ZNF658: variants seen among roughly 807,000 people sequenced by gnomAD.
ZNF658 encodes zinc finger protein 658.
ZNF658 carries 46 observed loss-of-function variants against 78.0 expected under a neutral mutation model. The observed-to-expected ratio is 0.59, with a 90% CI of 0.47 to 0.75. ZNF658 has a LOEUF of 0.75. ZNF658 is among the 30% of genes least tolerant of loss of function. ZNF658 has a pLI of 0.00. For missense variants in ZNF658, 785 were observed against 1,189.3 expected, an observed-to-expected ratio of 0.66 and a Z score of 5.00; for synonymous variants, 279 against 408.4, an observed-to-expected ratio of 0.68 and a Z score of 3.82.
At chr9:66,902,780 A>AT (rs1821981937) in intron 1 of ZNF658, 1 of 152,094 alleles carries the variant, frequency 6.6e-6, no homozygotes, top group Non-Finnish European at 1.5e-5. Flanking sequence ...TCCCATCTTT[A>AT]TTTTTTCCGT....
At chr9:66,902,875 AATTT>A (rs1821984620) in intron 1 of ZNF658, 1 of 151,874 alleles carries the variant, frequency 6.6e-6, no homozygotes, top group Non-Finnish European at 1.5e-5. Flanking sequence ...ATTATTTTTA[AATTT>A]ATTTATTTTT....
At chr9:66,926,363 TAA>T (rs897524252), downstream of ZNF658, among the ~76,000 whole-genome samples, 1 of 151,434 alleles carries the variant, frequency 6.6e-6, no homozygotes, top group African/African-American at 2.4e-5. Context: ...TTAGAATTAA[TAA>T]GTCAATTCAG....
At chr9:66,907,338 C>T (rs929238734) in intron 2 of ZNF658, among the ~76,000 whole-genome samples, 8 of 151,970 alleles carry the variant, frequency 5.3e-5, no homozygotes, top group East Asian at 1.9e-4. Context: ...TCTTCTAACA[C>T]GTTTTCTTCT....
At chr9:66,910,523 G>T (rs2118011604) in intron 4 of ZNF658, among the ~76,000 whole-genome samples, 1 of 151,730 alleles carries the variant, frequency 6.6e-6, no homozygotes, top group African/African-American at 2.4e-5. Context: ...GATCAGTAAA[G>T]TTGGGCCAGG....
rs1272450159 is a variant in ZNF658 at position 66,918,311 on chromosome 9, A to G, written c.745A>G (p.Arg249Gly). ...AAAGTCCTGTAAGGATGATGAATTT[A>G]GAAAAAACTTTGATAAAATCACTTT... is the stretch of plus-strand genomic sequence containing the variant. ...GEKSCKDDEF[R>G]KNFDKITLFN... The change falls in exon 5 of 5, where the codon AGA becomes GGA. Residue 249 changes from arginine (R) to glycine (G), a missense_variant. Transcript: ENST00000621410. 1 of 1,613,812 alleles carries G rather than the reference A, an allele frequency of 6.2e-7. No homozygotes were observed. The highest frequency in any genetic ancestry group is 8.5e-7 in the Non-Finnish European group (1 of 1,179,844).
Position 66,900,759 on chromosome 9 carries a change from G to A in ZNF658, c.-122G>A, listed in dbSNP as rs1310385592. The A allele has an allele frequency of 2.0e-5, 3 of 152,290 alleles. No homozygotes were observed. Among genetic ancestry groups the A allele is most frequent in the African/African-American group, 4.8e-5 (2 of 41,472 alleles). The allele number at this position is 152,290 out of a possible 1,614,324, so 9.4% of individuals were successfully genotyped here. On this transcript the variant is annotated 5_prime_UTR_variant, in exon 1 of 5. Coordinates refer to ENST00000621410, the MANE Select transcript of ZNF658 (RefSeq NM_033160.7). Reference sequence around the variant, plus strand: ...TGTAAACCCAGCCCCACCTCCTGCCGTCTGCCCTCCCGGGCCTGAAAGGGA... The same window carrying A: ...TGTAAACCCAGCCCCACCTCCTGCCATCTGCCCTCCCGGGCCTGAAAGGGA...
chr9:66,910,065 G>A (rs932354533), intron 4 of ZNF658, among the ~76,000 whole-genome samples: 3 of 152,114 alleles, frequency 2.0e-5, no homozygotes, highest in Admixed American at 2.0e-4. Context: ...AGTACTACTG[G>A]ATTAGGGTCC....
intron 2 of ZNF658, among the ~76,000 whole-genome samples, chr9:66,905,068 CTTTTTTT>C (rs1165611922): frequency 6.3e-4 from 20 of 31,764 alleles, no homozygotes; most frequent in African/African-American, 2.2e-3. Flanking sequence ...TTTTTCTTTT[CTTTTTTT>C]TTTTTTTTTT....
intron 2 of ZNF658, among the ~76,000 whole-genome samples, chr9:66,905,676 A>T: frequency 3.0e-5 from 4 of 131,662 alleles, no homozygotes; most frequent in African/African-American, 6.3e-5. Context: ...TTTTTGGTAA[A>T]ATATTTGTTT....
At chr9:66,925,784 A>C (rs1458869288), downstream of ZNF658, among the ~76,000 whole-genome samples, 1 of 151,990 alleles carries the variant, frequency 6.6e-6, no homozygotes, top group Non-Finnish European at 1.5e-5. Context: ...AAAAGACACT[A>C]CAAAAAGAAA....
chr9:66,922,388 C>T (rs1030285736), downstream of ZNF658, among the ~76,000 whole-genome samples: 1 of 151,298 alleles, frequency 6.6e-6, no homozygotes, highest in African/African-American at 2.4e-5. Flanking sequence ...AACCTGGTAC[C>T]TCAGATGGAA....
At chr9:66,929,279 A>G (rs1433967985) in intron 6 of ZNF658, among the ~76,000 whole-genome samples, 1 of 138,214 alleles carries the variant, frequency 7.2e-6, no homozygotes, top group Non-Finnish European at 1.6e-5. Context: ...CAGCAGGAAA[A>G]TATCATGGGA....
rs1822124341 is a variant in ZNF658 at position 66,908,233 on chromosome 9, T to C, written c.16-5T>C. 3 of 1,614,004 alleles carry C rather than the reference T, an allele frequency of 1.9e-6. No homozygotes were observed. In the African/African-American group the frequency reaches 4.0e-5, roughly 22 times the overall value. On this transcript the variant is annotated splice_region_variant and splice_polypyrimidine_tract_variant and intron_variant, in intron 2 of 4. Transcript: ENST00000621410. ...TTATATTTGTTGTGATAAATGTTGT[T>C]ACAGGCATCAGTGTCATTCCAGGAC...
At chr9:66,929,435 G>C (rs1342228742) in intron 6 of ZNF658, among the ~76,000 whole-genome samples, 1 of 140,566 alleles carries the variant, frequency 7.1e-6, no homozygotes, top group African/African-American at 2.7e-5. Context: ...AGGGACTGAG[G>C]AATAAGTGAG....
intron 4 of ZNF658, among the ~76,000 whole-genome samples, chr9:66,909,583 A>G (rs1308906778): frequency 1.3e-5 from 2 of 151,818 alleles, no homozygotes; most frequent in Non-Finnish European, 1.5e-5. Flanking sequence ...GTATATTCCT[A>G]GGAGTGAAAC....
chr9:66,913,492 C>G (rs953070998), intron 4 of ZNF658, among the ~76,000 whole-genome samples: 21 of 151,800 alleles, frequency 1.4e-4, no homozygotes, highest in African/African-American at 4.6e-4. Context: ...CAGTGGGGAA[C>G]TGGACTTCCT....
At chr9:66,912,760 A>G (rs1233361987) in intron 4 of ZNF658, among the ~76,000 whole-genome samples, 2 of 151,900 alleles carry the variant, frequency 1.3e-5, no homozygotes, top group African/African-American at 4.8e-5. Flanking sequence ...AAAGAATGCA[A>G]TATCTAGCCA....
In ZNF658 at chr9:66,918,286, A is replaced by T; in HGVS notation, c.720A>T (p.Glu240Asp). The T allele has an allele frequency of 6.2e-7, 1 of 1,613,736 alleles. No homozygotes were observed. Among genetic ancestry groups the T allele is most frequent in the South Asian group, 1.1e-5 (1 of 91,044 alleles). Reference protein sequence around the residue: ...CITPQSFLTGEKSCKDDEFRK... With the variant: ...CITPQSFLTGDKSCKDDEFRK... ...CACCTCAGAGTTTTCTAACAGGAGAAAAGTCCTGTAAGGATGATGAATTTA... is the reference window on the plus strand; with the variant it reads ...CACCTCAGAGTTTTCTAACAGGAGATAAGTCCTGTAAGGATGATGAATTTA... Residue 240 changes from glutamate to aspartate, a missense_variant, in exon 5 of 5, where the codon GAA (glutamate) becomes GAT (aspartate). Coordinates refer to ENST00000621410, the MANE Select transcript of ZNF658 (RefSeq NM_033160.7).
chr9:66,910,604 G>A (rs1368728323), intron 4 of ZNF658, among the ~76,000 whole-genome samples: 1 of 151,890 alleles, frequency 6.6e-6, no homozygotes, highest in Non-Finnish European at 1.5e-5. Context: ...GTCAGGAGAT[G>A]GAGACCATCC....
Sources: allele counts gnomAD v4.1 joint callset (sites outside exome capture counted in the v4.1 genomes callset), GRCh38; gene constraint gnomAD v4.1.1; transcripts MANE v1.5; gene names NCBI Gene and HGNC (gene_info 2026-07-23, HGNC 2026-07-21).